Variants in PDSS2 observed in about 807,000 individuals in gnomAD.
The protein encoded by PDSS2 is decaprenyl diphosphate synthase subunit 2.
PDSS2 carries 31 observed loss-of-function variants against 44.5 expected under a neutral mutation model. The ratio of observed to expected loss-of-function variants is 0.70; its 90% CI spans 0.52 to 0.94. The LOEUF (loss-of-function observed/expected upper bound fraction) is 0.94, where lower values mean the gene tolerates loss of function less well. PDSS2 is among the 40% of genes least tolerant of loss of function. PDSS2 has a pLI of 0.00. For synonymous variants in PDSS2, 157 were observed against 180.3 expected, an observed-to-expected ratio of 0.87 and a Z score of 1.03; for missense variants, 452 against 482.2, an observed-to-expected ratio of 0.94 and a Z score of 0.59.
At chr6:107,429,915 T>A (rs866724963) in intron 1 of PDSS2, among the ~76,000 whole-genome samples, 5,827 of 82,860 alleles carry the variant, frequency 0.07, 767 homozygotes, top group Non-Finnish European at 0.094. Context: ...TATATATATA[T>A]ATATATATAT....
chr6:107,171,112 G>C (rs1554248492), intron 7 of PDSS2, among the ~76,000 whole-genome samples: 2 of 152,310 alleles, frequency 1.3e-5, no homozygotes. Flanking sequence ...GGGTTAAGTA[G>C]AACAGTGAAG....
At chr6:107,166,821 A>G (rs201870652) in intron 7 of PDSS2, among the ~76,000 whole-genome samples, 1 of 152,186 alleles carries the variant, frequency 6.6e-6, no homozygotes, top group Non-Finnish European at 1.5e-5. Flanking sequence ...ATCCCAGGGA[A>G]GAAGCCCACT....
intron 7 of PDSS2, chr6:107,192,184 T>C (rs560487138): frequency 2.5e-4 from 47 of 187,848 alleles, no homozygotes; most frequent in African/African-American, 1.0e-3. Flanking sequence ...CGTTTGGGTA[T>C]ATGATGAGGC....
intron 2 of PDSS2, among the ~76,000 whole-genome samples, chr6:107,280,087 T>A (rs1343999253): frequency 6.6e-6 from 1 of 151,978 alleles, no homozygotes; most frequent in African/African-American, 2.4e-5. Context: ...TGAGATGGAG[T>A]CTTGCTCTGT....
At chr6:107,331,923 A>C (rs1247599783) in intron 2 of PDSS2, among the ~76,000 whole-genome samples, 2 of 152,026 alleles carry the variant, frequency 1.3e-5, no homozygotes, top group South Asian at 4.1e-4. Context: ...CAAAGTCAGC[A>C]GACTGAAAAT....
At chr6:107,255,580 C>T (rs1052567023) in intron 3 of PDSS2, among the ~76,000 whole-genome samples, 1 of 125,922 alleles carries the variant, frequency 7.9e-6, no homozygotes, top group Non-Finnish European at 1.7e-5. Context: ...GCTTGGGCAA[C>T]AAGAGTGAAA....
At chr6:107,449,526 A>G (rs1411500471) in intron 1 of PDSS2, among the ~76,000 whole-genome samples, 2 of 152,212 alleles carry the variant, frequency 1.3e-5, no homozygotes, top group East Asian at 1.9e-4. Context: ...GACACTTTAT[A>G]TAAGTGGAAT....
At chr6:107,260,126 TCA>T (rs1476690364) in intron 3 of PDSS2, among the ~76,000 whole-genome samples, 2 of 152,214 alleles carry the variant, frequency 1.3e-5, no homozygotes, top group African/African-American at 4.8e-5. Flanking sequence ...TTTAAAGTTT[TCA>T]CAGTTTACAA....
intron 4 of PDSS2, among the ~76,000 whole-genome samples, chr6:107,215,125 CAA>C (rs1394915700): frequency 3.3e-5 from 5 of 152,024 alleles, no homozygotes; most frequent in East Asian, 3.9e-4. Context: ...TAAAATGTGA[CAA>C]TATATATTAA....
At chr6:107,234,366 C>T (rs779007362) in intron 4 of PDSS2, among the ~76,000 whole-genome samples, 8 of 151,972 alleles carry the variant, frequency 5.3e-5, no homozygotes, top group Non-Finnish European at 1.0e-4. Flanking sequence ...CCACTATGCC[C>T]GGCTAATTTT....
At chr6:107,374,127 G>A (rs1009756244) in intron 1 of PDSS2, among the ~76,000 whole-genome samples, 1 of 151,884 alleles carries the variant, frequency 6.6e-6, no homozygotes, top group East Asian at 1.9e-4. Flanking sequence ...GGTGGCGCCC[G>A]CCTGTAATCC....
At chr6:107,233,444 A>G (rs1774118527) in intron 4 of PDSS2, among the ~76,000 whole-genome samples, 1 of 152,178 alleles carries the variant, frequency 6.6e-6, no homozygotes, top group Non-Finnish European at 1.5e-5. Context: ...GATTACTAAT[A>G]TACACTTTAC....
chr6:107,425,558 G>T (rs1403375238), intron 1 of PDSS2, among the ~76,000 whole-genome samples: 1 of 152,210 alleles, frequency 6.6e-6, no homozygotes. Flanking sequence ...TCTTGTAGAA[G>T]AAATTTATAA....
At chr6:107,299,643 T>C (rs1301710636) in intron 2 of PDSS2, among the ~76,000 whole-genome samples, 1 of 152,212 alleles carries the variant, frequency 6.6e-6, no homozygotes, top group African/African-American at 2.4e-5. Context: ...CAAGAGCTTC[T>C]ATGAAGAATG....
intron 1 of PDSS2, among the ~76,000 whole-genome samples, chr6:107,355,236 A>C (rs1376212167): frequency 6.6e-6 from 1 of 152,200 alleles, no homozygotes; most frequent in East Asian, 1.9e-4. Context: ...TGCTTCTTAC[A>C]TCAAAGTAAG....
At chr6:107,185,682 A>C (rs1050702369) in intron 7 of PDSS2, among the ~76,000 whole-genome samples, 1 of 152,196 alleles carries the variant, frequency 6.6e-6, no homozygotes, top group Non-Finnish European at 1.5e-5. Context: ...TTAGATATAT[A>C]TATATTAGTT....
At position 107,382,724 on chromosome 6, in the gene PDSS2, C is replaced by T. The variant is rs536005225; in HGVS notation, c.297-48392G>A. Among the ~76,000 whole-genome samples the T allele has an allele frequency of 6.6e-5, 10 of 152,176 alleles. No homozygotes were observed. In the South Asian group the frequency reaches 2.1e-3, roughly 32 times the overall value. ...TGGCAGCACACACCTGTAGTCCCTA[C>T]TGCTTGGGAGGCTGCGGTGAGAGGA... On this transcript the variant is annotated intron_variant, in intron 1 of 7. Transcript: ENST00000369037.
chr6:107,408,532 G>A (rs1223066336), intron 1 of PDSS2, among the ~76,000 whole-genome samples: 1 of 152,152 alleles, frequency 6.6e-6, no homozygotes, highest in African/African-American at 2.4e-5. Context: ...ACCTGGTAGT[G>A]TCCTACCCGT....
chr6:107,273,343 A>G (rs913937261), intron 3 of PDSS2, among the ~76,000 whole-genome samples: 1 of 152,122 alleles, frequency 6.6e-6, no homozygotes, highest in Non-Finnish European at 1.5e-5. Flanking sequence ...AAAAAACACT[A>G]AAAATGTTTA....
Sources: gnomAD v4.1 joint callset for allele counts (sites outside exome capture counted in the v4.1 genomes callset) on GRCh38, gnomAD v4.1.1 for gene constraint, MANE v1.5 for transcripts, NCBI Gene and HGNC (gene_info 2026-07-23, HGNC 2026-07-21) for gene names.